Variants in SINHCAF observed in about 807,000 individuals in gnomAD.
SINHCAF encodes the protein SIN3-HDAC complex associated factor, also known as SIN3-HDAC complex-associated factor.
A neutral mutation model predicts 25.8 loss-of-function variants in SINHCAF; 3 were observed. The ratio of observed to expected loss-of-function variants is 0.12; its 90% CI spans 0.05 to 0.30. The LOEUF (loss-of-function observed/expected upper bound fraction) is 0.30. Among genes scored for constraint, SINHCAF ranks in the 10% least tolerant of loss-of-function variants. The probability of loss-of-function intolerance (pLI) is 1.00; values close to 1 mark genes in which losing one functional copy is unlikely to be tolerated. For missense variants in SINHCAF, 121 were observed against 262.3 expected (o/e 0.46, Z 3.72); for synonymous variants, 70 against 85.5 (o/e 0.82, Z 1.00).
intron 1 of SINHCAF, chr12:31,311,680 T>C (rs1939277275): frequency 2.1e-6 from 1 of 467,018 alleles, no homozygotes; most frequent in Middle Eastern, 4.4e-4. Flanking sequence ...AACAATATTT[T>C]TGAAGTATGC....
At chr12:31,302,498 T>C (rs945083277) in intron 1 of SINHCAF, among the ~76,000 whole-genome samples, 4 of 149,854 alleles carry the variant, frequency 2.7e-5, no homozygotes, top group East Asian at 3.9e-4. Flanking sequence ...TCAACCCAAA[T>C]TGAGAGACCA....
intron 4 of SINHCAF, among the ~76,000 whole-genome samples, chr12:31,290,569 A>T (rs1336189963): frequency 2.0e-5 from 3 of 151,154 alleles, no homozygotes; most frequent in Non-Finnish European, 2.9e-5. Context: ...AGCAGGTTTT[A>T]AAAAAATGAG....
At chr12:31,314,379 AGC>A (rs1364327295) in intron 1 of SINHCAF, among the ~76,000 whole-genome samples, 12 of 152,020 alleles carry the variant, frequency 7.9e-5, no homozygotes, top group African/African-American at 2.7e-4. Context: ...AAAAAAAAAT[AGC>A]CGGGCGTGGT....
chr12:31,314,514 A>G (rs1344660241), intron 1 of SINHCAF, among the ~76,000 whole-genome samples: 4 of 151,882 alleles, frequency 2.6e-5, no homozygotes, highest in African/African-American at 9.7e-5. Context: ...CAACAGAGCG[A>G]GACTCCGTCT....
chr12:31,311,753 A>G (rs1192724018), intron 1 of SINHCAF: 2 of 508,840 alleles, frequency 3.9e-6, no homozygotes, highest in Non-Finnish European at 7.7e-6. Flanking sequence ...CCATACTTGA[A>G]CATTTCTGGA....
intron 1 of SINHCAF, among the ~76,000 whole-genome samples, chr12:31,306,999 T>C (rs560697583): frequency 6.6e-6 from 1 of 152,338 alleles, no homozygotes; most frequent in African/African-American, 2.4e-5. Flanking sequence ...TAAACCATTC[T>C]GTCTTAGCAT....
rs910232305 is a variant in SINHCAF, at chr12:31,282,833, A to G, written c.545T>C (p.Phe182Ser). Residue 182 changes from phenylalanine to serine, a missense_variant, in exon 6 of 6, where the codon TTT becomes TCT. Coordinates refer to ENST00000337682, the MANE Select transcript of SINHCAF (RefSeq NM_001135812.2). ...ATGTGTGTCAATGAGGACTTCCCCAAAACGGCCTTTATAGATGATCCCACA... is the reference window on the plus strand; with the variant it reads ...ATGTGTGTCAATGAGGACTTCCCCAGAACGGCCTTTATAGATGATCCCACA... ...ICCGIIYKGR[F>S]GEVLIDTHLF... 1 of 1,611,850 alleles carries G rather than the reference A, an allele frequency of 6.2e-7. No homozygotes were observed. The highest frequency in any genetic ancestry group is 2.2e-5 in the East Asian group (1 of 44,872).
intron 4 of SINHCAF, among the ~76,000 whole-genome samples, chr12:31,291,116 A>T (rs1938293338): frequency 6.6e-6 from 1 of 152,164 alleles, no homozygotes; most frequent in South Asian, 2.1e-4. Flanking sequence ...GGGCAAAGTC[A>T]ATGAGCAAAG....
At chr12:31,296,837 C>T (rs1938569757) in intron 2 of SINHCAF, 2 of 257,396 alleles carry the variant, frequency 7.8e-6, no homozygotes, top group African/African-American at 4.6e-5. Context: ...GCCTGGGTGA[C>T]AGAGTGAGAC....
Position 31,324,121 on chromosome 12 carries a change from C to G in SINHCAF, c.-21+1903G>C, listed in dbSNP as rs1939840525. ...AGGGCGAGGGCAGCGGGAGGTGAAC[C>G]GCGTCGCTCGCCGCCACCTCCCTCA... On this transcript the variant is annotated intron_variant, in intron 1 of 5. Coordinates refer to ENST00000337682, the MANE Select transcript of SINHCAF (RefSeq NM_001135812.2). This position sits in a 1 kb window ranked among gnomAD's most constrained non-coding sequence, Gnocchi z 5.5. The G allele has an allele frequency of 4.4e-6, 2 of 451,396 alleles. No homozygotes were observed. Among genetic ancestry groups the G allele is most frequent in the Admixed American group, 2.4e-5 (1 of 42,384 alleles). The allele number at this position is 451,396 out of a possible 1,614,324, so 28.0% of individuals were successfully genotyped here.
chr12:31,298,257 T>C, intron 1 of SINHCAF, 33 bp from the exon 2 acceptor site: 1 of 1,610,432 alleles, frequency 6.2e-7, no homozygotes, highest in Non-Finnish European at 8.5e-7. Context: ...ATATCTTTGT[T>C]GAGGGCTGTA....
intron 1 of SINHCAF, among the ~76,000 whole-genome samples, chr12:31,318,338 T>TTA (rs1939571049): frequency 1.3e-5 from 2 of 152,192 alleles, no homozygotes; most frequent in African/African-American, 4.8e-5. Context: ...TAGCTAACTT[T>TTA]AAGGGATAAA....
chr12:31,311,142 A>G (rs1939250590), intron 1 of SINHCAF, among the ~76,000 whole-genome samples: 1 of 152,130 alleles, frequency 6.6e-6, no homozygotes, highest in Non-Finnish European at 1.5e-5. Flanking sequence ...GTCCGGCCGT[A>G]ATCTATGATC....
chr12:31,312,227 T>C (rs564682468), intron 1 of SINHCAF, among the ~76,000 whole-genome samples: 1 of 152,376 alleles, frequency 6.6e-6, no homozygotes, highest in African/African-American at 2.4e-5. Context: ...TGCTGTATTT[T>C]TTATTTTTCT....
Position 31,325,478 on chromosome 12 carries a change from T to C in SINHCAF, c.-21+546A>G. The C allele has an allele frequency of 2.9e-6, 1 of 346,042 alleles. No homozygotes were observed. Among genetic ancestry groups the C allele is most frequent in the African/African-American group, 2.1e-5 (1 of 46,604 alleles). 21.4% of individuals were successfully genotyped at this position (346,042 alleles called of 1,614,324 possible). A position where few individuals can be genotyped will look rare whatever the true frequency, so the allele number is the denominator to read the frequency against. ...AGCTCGGAAGCGGATGGCAACTTAG[T>C]TTCCGAGCGAATGGCGTTTATTGTC... On this transcript the variant is annotated intron_variant, in intron 1 of 5. Coordinates refer to ENST00000337682, the MANE Select transcript of SINHCAF (RefSeq NM_001135812.2). This position sits in a 1 kb window ranked among gnomAD's most constrained non-coding sequence, Gnocchi z 5.9.
intron 1 of SINHCAF, among the ~76,000 whole-genome samples, chr12:31,318,221 T>C (rs1209052938): frequency 6.6e-6 from 1 of 152,196 alleles, no homozygotes; most frequent in Non-Finnish European, 1.5e-5. Flanking sequence ...TCCCCAATAA[T>C]GAGACATGTT....
At chr12:31,284,596 G>T (rs1050629563) in intron 5 of SINHCAF, among the ~76,000 whole-genome samples, 1 of 151,920 alleles carries the variant, frequency 6.6e-6, no homozygotes. Flanking sequence ...CTACTTTAAT[G>T]CATCTGTAAT....
chr12:31,312,350 C>T (rs1297986763), intron 1 of SINHCAF, among the ~76,000 whole-genome samples: 2 of 151,380 alleles, frequency 1.3e-5, no homozygotes, highest in Non-Finnish European at 3.0e-5. Context: ...CATTGTTTTA[C>T]GTATTTTGTG....
intron 2 of SINHCAF, 99 bp from the exon 3 acceptor site, chr12:31,295,432 T>G: frequency 1.4e-6 from 1 of 737,524 alleles, no homozygotes; most frequent in Non-Finnish European, 2.4e-6. Flanking sequence ...TATGTATGGT[T>G]TATAGATACA....
Sources: allele counts gnomAD v4.1 joint callset (sites outside exome capture counted in the v4.1 genomes callset), GRCh38; gene constraint gnomAD v4.1.1; non-coding constraint Gnocchi (gnomAD v3.1); transcripts MANE v1.5; gene names NCBI Gene and HGNC (gene_info 2026-07-23, HGNC 2026-07-21).